The following RNLS variants were observed in gnomAD, a reference collection of about 807,000 sequenced individuals.
RNLS encodes renalase, FAD dependent amine oxidase, also known as renalase.
RNLS carries 39 observed loss-of-function variants against 39.8 expected under a neutral mutation model. The ratio of observed to expected loss-of-function variants is 0.98; its 90% CI spans 0.76 to 1.28. The LOEUF is 1.28. RNLS is among the 50% of genes most tolerant of loss of function. RNLS has a pLI of 0.00. For synonymous variants in RNLS, 147 were observed against 150.7 expected, an observed-to-expected ratio of 0.98 and a Z score of 0.18; for missense variants, 410 against 413.3, an observed-to-expected ratio of 0.99 and a Z score of 0.07.
chr10:88,277,268 T>C (rs1842843617), intron 6 of RNLS, among the ~76,000 whole-genome samples: 1 of 150,374 alleles, frequency 6.7e-6, no homozygotes, highest in African/African-American at 2.5e-5. Context: ...AGGTGGGAAT[T>C]GAACAATAAG....
At chr10:88,402,610 A>G (rs1326330019) in intron 4 of RNLS, among the ~76,000 whole-genome samples, 1 of 152,046 alleles carries the variant, frequency 6.6e-6, no homozygotes, top group Non-Finnish European at 1.5e-5. Context: ...ACTTTTTGAC[A>G]GCAACATTTT....
the RNLS span, among the ~76,000 whole-genome samples, chr10:88,240,415 A>ATTTT: frequency 3.5e-3 from 409 of 116,124 alleles, 4 homozygotes; most frequent in Middle Eastern, 0.02. Flanking sequence ...CCTTTTTTTA[A>ATTTT]AAAAAAAAAA....
chr10:88,338,416 G>C (rs546806866), intron 5 of RNLS, among the ~76,000 whole-genome samples: 1 of 152,316 alleles, frequency 6.6e-6, no homozygotes, highest in Admixed American at 6.5e-5. Context: ...CTATCTAACG[G>C]TTCTTGACAT....
chr10:88,388,955 G>A (rs61855401), intron 4 of RNLS, among the ~76,000 whole-genome samples: 1,675 of 152,262 alleles, frequency 0.011, 33 homozygotes, highest in African/African-American at 0.038. Flanking sequence ...CATCAGTGGA[G>A]CCATGGATAT....
intron 4 of RNLS, among the ~76,000 whole-genome samples, chr10:88,525,318 AAAGCCCTATTTAACT>A (rs758628373): frequency 3.7e-4 from 56 of 152,068 alleles, no homozygotes; most frequent in Non-Finnish European, 7.8e-4. Flanking sequence ...AGGCACTGGG[AAAGCCCTATTTAACT>A]GCGTGTAGAG....
chr10:88,369,041 A>G (rs932417171), intron 4 of RNLS, among the ~76,000 whole-genome samples: 4 of 152,126 alleles, frequency 2.6e-5, no homozygotes, highest in Non-Finnish European at 5.9e-5. Flanking sequence ...CAGTCTGTTC[A>G]TGTCATTTTG....
At chr10:88,217,514 G>C in the RNLS span, among the ~76,000 whole-genome samples, 141 of 152,066 alleles carry the variant, frequency 9.3e-4, no homozygotes, top group Middle Eastern at 3.4e-3. Context: ...GATAACTTTG[G>C]TTCAAAGCAG....
intron 5 of RNLS, among the ~76,000 whole-genome samples, chr10:88,349,799 CTGA>C (rs1214725930): frequency 1.4e-4 from 21 of 151,952 alleles, no homozygotes; most frequent in Admixed American, 9.8e-4. Flanking sequence ...ACCCCAAGAT[CTGA>C]TATTACTATC....
chr10:88,277,327 G>T (rs1489962521), intron 6 of RNLS, among the ~76,000 whole-genome samples: 1 of 152,050 alleles, frequency 6.6e-6, no homozygotes, highest in Non-Finnish European at 1.5e-5. Flanking sequence ...GTGCCTGCCG[G>T]GGAGGTGGGG....
At chr10:88,552,467 A>G (rs1195502355) in intron 4 of RNLS, among the ~76,000 whole-genome samples, 2 of 152,244 alleles carry the variant, frequency 1.3e-5, no homozygotes, top group African/African-American at 4.8e-5. Context: ...TGCAATAAGC[A>G]TTTGGGCAAT....
chr10:88,295,383 C>T (rs954633386), intron 6 of RNLS, among the ~76,000 whole-genome samples: 16 of 152,118 alleles, frequency 1.1e-4, no homozygotes, highest in South Asian at 8.3e-4. Flanking sequence ...TATCAACACA[C>T]GGGTGCTTTC....
the RNLS span, among the ~76,000 whole-genome samples, chr10:88,172,078 C>T: frequency 1.3e-5 from 2 of 152,176 alleles, no homozygotes; most frequent in South Asian, 4.1e-4. Context: ...CATCTGTTGA[C>T]AGGTGAATGG....
intron 5 of RNLS, among the ~76,000 whole-genome samples, chr10:88,340,854 GT>G (rs1306193821): frequency 5.3e-5 from 8 of 152,160 alleles, no homozygotes; most frequent in African/African-American, 1.9e-4. Flanking sequence ...GAGGTCAGGA[GT>G]TCGAGACCAG....
chr10:88,545,628 T>C (rs956666017), intron 4 of RNLS: 14 of 344,974 alleles, frequency 4.1e-5, no homozygotes, highest in African/African-American at 1.3e-4. Context: ...TTAAATTCAA[T>C]TGGAGAACTG....
intron 4 of RNLS, among the ~76,000 whole-genome samples, chr10:88,441,635 T>A (rs75306237): frequency 3.9e-5 from 6 of 152,206 alleles, no homozygotes; most frequent in African/African-American, 1.4e-4. Flanking sequence ...AGTCACAGAA[T>A]GCTTAGCAGG....
rs527629230 is a variant in RNLS, at chr10:88,577,361, C to T, written c.367+4206G>A. Among the ~76,000 whole-genome samples, 7 of 152,240 alleles carry T rather than the reference C, an allele frequency of 4.6e-5. No homozygotes were observed. In the South Asian group the frequency reaches 1.5e-3, roughly 32 times the overall value. On this transcript the variant is annotated intron_variant, in intron 3 of 6. Coordinates refer to ENST00000331772, the MANE Select transcript of RNLS (RefSeq NM_001031709.3). ...GAGTATGAGCACCTCTCATTGCCCT[C>T]CATGAGAGACTTAATAGAAAAAAAC...
chr10:88,363,653 CA>C (rs1295242962), intron 4 of RNLS, among the ~76,000 whole-genome samples: 4 of 152,058 alleles, frequency 2.6e-5, no homozygotes, highest in African/African-American at 9.7e-5. Context: ...GAAAGGCAAA[CA>C]CAGACATGCA....
intron 4 of RNLS, among the ~76,000 whole-genome samples, chr10:88,372,494 C>T (rs140751298): frequency 4.6e-5 from 7 of 152,246 alleles, no homozygotes; most frequent in Non-Finnish European, 1.0e-4. Context: ...AAACTACCCA[C>T]TCTTCTCTTT....
At chr10:88,182,033 C>T in the RNLS span, among the ~76,000 whole-genome samples, 1 of 152,136 alleles carries the variant, frequency 6.6e-6, no homozygotes, top group Non-Finnish European at 1.5e-5. Context: ...ACCACTTATG[C>T]TGGCATTAGG....
Sources: gnomAD v4.1 joint callset for allele counts (sites outside exome capture counted in the v4.1 genomes callset) on GRCh38, gnomAD v4.1.1 for gene constraint, MANE v1.5 for transcripts, NCBI Gene and HGNC (gene_info 2026-07-23, HGNC 2026-07-21) for gene names.